The following PDS5B variants were observed in gnomAD, a reference collection of about 807,000 sequenced individuals.
The protein encoded by PDS5B is PDS5 cohesin associated factor B.
Under a neutral mutation model 184.1 loss-of-function variants are expected in PDS5B, and 51 were observed. The observed-to-expected ratio is 0.28, with a 90% CI of 0.22 to 0.35. The LOEUF (loss-of-function observed/expected upper bound fraction) is 0.35, where lower values mean the gene tolerates loss of function less well. Among genes scored for constraint, PDS5B ranks in the 10% least tolerant of loss-of-function variants. PDS5B has a pLI of 1.00. For missense variants in PDS5B, 1,180 were observed against 1,723.3 expected (o/e 0.68, Z 5.58); for synonymous variants, 566 against 569.2 (o/e 0.99, Z 0.08).
At chr13:32,704,485 T>C (rs1951950301) in intron 17 of PDS5B, among the ~76,000 whole-genome samples, 1 of 152,212 alleles carries the variant, frequency 6.6e-6, no homozygotes, top group Admixed American at 6.5e-5. Context: ...CCAGTCCTTT[T>C]TACACTTGAT....
intron 1 of PDS5B, among the ~76,000 whole-genome samples, chr13:32,632,293 A>G (rs1308785645): frequency 6.6e-6 from 1 of 152,232 alleles, no homozygotes; most frequent in Non-Finnish European, 1.5e-5. Context: ...TTTAATGTCC[A>G]GAATATATAA....
At chr13:32,687,422 T>C (rs1593428939) in intron 12 of PDS5B, 137 bp downstream of exon 12, 3 of 604,052 alleles carry the variant, frequency 5.0e-6, no homozygotes, top group East Asian at 3.2e-5. Flanking sequence ...AGTGAGTGAC[T>C]GGGCTCATTC....
At chr13:32,679,525 A>G (rs1179314769) in intron 10 of PDS5B, among the ~76,000 whole-genome samples, 1 of 152,104 alleles carries the variant, frequency 6.6e-6, no homozygotes, top group Non-Finnish European at 1.5e-5. Context: ...AATCCCAGCT[A>G]CTCAGGAGGC....
At chr13:32,629,352 G>GTA (rs1000931745) in intron 1 of PDS5B, among the ~76,000 whole-genome samples, 8 of 151,424 alleles carry the variant, frequency 5.3e-5, no homozygotes, top group Non-Finnish European at 1.2e-4. Flanking sequence ...TGCATTTCTT[G>GTA]TATATTTGGA....
chr13:32,698,640 C>T (rs545699471), intron 15 of PDS5B, among the ~76,000 whole-genome samples: 1 of 152,160 alleles, frequency 6.6e-6, no homozygotes, highest in East Asian at 1.9e-4. Flanking sequence ...AAATATCTCA[C>T]CAAGACATAA....
chr13:32,749,128 A>G (rs1762645292), intron 24 of PDS5B, among the ~76,000 whole-genome samples: 1 of 152,188 alleles, frequency 6.6e-6, no homozygotes, highest in Non-Finnish European at 1.5e-5. Flanking sequence ...TGTACGCTTA[A>G]AAATCTTGTT....
chr13:32,615,548 C>A (rs1950308216), intron 1 of PDS5B, among the ~76,000 whole-genome samples: 1 of 152,068 alleles, frequency 6.6e-6, no homozygotes, highest in Non-Finnish European at 1.5e-5. Context: ...TTTGCCTTTT[C>A]TATAATTTTT....
intron 1 of PDS5B, among the ~76,000 whole-genome samples, chr13:32,593,331 T>C: frequency 6.6e-6 from 1 of 152,204 alleles, no homozygotes; most frequent in Non-Finnish European, 1.5e-5. Flanking sequence ...ACTTTGGTAG[T>C]AATAGCCTAC....
intron 1 of PDS5B, among the ~76,000 whole-genome samples, chr13:32,596,589 T>C (rs1393399364): frequency 6.6e-6 from 1 of 152,212 alleles, no homozygotes; most frequent in African/African-American, 2.4e-5. Flanking sequence ...TCAAAGTGGT[T>C]TTCCTTTTTA....
Position 32,741,061 on chromosome 13 carries a change from T to TG in PDS5B, c.2407-19_2407-18insG. On this transcript the variant is annotated intron_variant, in intron 21 of 34. Transcript: ENST00000315596. ...ATTTTAAAGTCCCTGGTTTTTTTTT[T>TG]TTTCTCGTTTATTTTTAGCTTCCAG... 7.3e-7 allele frequency: 1 copy of TG among 1,365,560 alleles called. No homozygotes were observed. Among genetic ancestry groups the TG allele is most frequent in the Non-Finnish European group, 1.0e-6 (1 of 974,384 alleles). 84.6% of individuals were successfully genotyped at this position (1,365,560 alleles called of 1,614,324 possible).
chr13:32,676,373 C>T (rs2140774906), intron 9 of PDS5B, among the ~76,000 whole-genome samples: 1 of 152,156 alleles, frequency 6.6e-6, no homozygotes, highest in East Asian at 1.9e-4. Flanking sequence ...ATTTCTCTTC[C>T]TAACTTCCTT....
chr13:32,769,305 GT>G (rs1197969194), intron 31 of PDS5B, among the ~76,000 whole-genome samples: 1 of 152,150 alleles, frequency 6.6e-6, no homozygotes, highest in South Asian at 2.1e-4. Context: ...TCAATTTAAA[GT>G]TAGAAAAAGT....
rs569625758 is a variant in PDS5B, at chr13:32,660,987, T to A, written c.624+1707T>A. On this transcript the variant is annotated intron_variant, in intron 6 of 34. Transcript: ENST00000315596. ...ACTGAATAAAACATTCTGACAAAAT[T>A]TTTAAAAAAAATTATAAATACTCTT... 4.6e-5 allele frequency among the ~76,000 whole-genome samples: 7 copies of A among 152,124 alleles called. No individual in the cohort carries two copies. The East Asian group carries it at 1.4e-3, about 29-fold the overall frequency.
At chr13:32,693,904 CTTT>C (rs1231898200) in intron 13 of PDS5B, among the ~76,000 whole-genome samples, 1 of 151,636 alleles carries the variant, frequency 6.6e-6, no homozygotes, top group African/African-American at 2.4e-5. Context: ...ACTAATTCTT[CTTT>C]TTATGTTTTT....
intron 6 of PDS5B, among the ~76,000 whole-genome samples, chr13:32,663,627 A>G (rs1310542569): frequency 6.6e-6 from 1 of 152,218 alleles, no homozygotes; most frequent in Non-Finnish European, 1.5e-5. Context: ...ATGTTGAAGC[A>G]TTCTCTTTGA....
chr13:32,659,372 T>G (rs900924920), intron 6 of PDS5B, 92 bp downstream of exon 6: 10 of 884,062 alleles, frequency 1.1e-5, no homozygotes, highest in African/African-American at 1.7e-5. Flanking sequence ...TTTATCCTGC[T>G]TTAATCTTTT....
rs547407264 is a variant in PDS5B at position 32,611,818 on chromosome 13, C to T, written c.-20+25225C>T. Among the ~76,000 whole-genome samples, 9 of 151,496 alleles carry T rather than the reference C, an allele frequency of 5.9e-5. No homozygotes were observed. In the South Asian group the frequency reaches 1.5e-3, roughly 25 times the overall value. Reference sequence around the variant, plus strand: ...GCCACGGTGCCTGGTTCTCACTGCCCCCGCCCCCCTTTTTGTTAACTTCCC... The same window carrying T: ...GCCACGGTGCCTGGTTCTCACTGCCTCCGCCCCCCTTTTTGTTAACTTCCC... On this transcript the variant is annotated intron_variant, in intron 1 of 34. Coordinates refer to ENST00000315596, the MANE Select transcript of PDS5B (RefSeq NM_015032.4).
At chr13:32,632,310 A>G (rs2058469880) in intron 1 of PDS5B, among the ~76,000 whole-genome samples, 2 of 152,234 alleles carry the variant, frequency 1.3e-5, no homozygotes, top group African/African-American at 2.4e-5. Context: ...ATAAAGAACT[A>G]CAGGTCAATG....
At chr13:32,641,853 G>C (rs1235137929) in intron 1 of PDS5B, among the ~76,000 whole-genome samples, 1 of 152,040 alleles carries the variant, frequency 6.6e-6, no homozygotes, top group African/African-American at 2.4e-5. Flanking sequence ...TTGCCTTCTA[G>C]AGCAAACTTT....
Sources: gnomAD v4.1 joint callset for allele counts (sites outside exome capture counted in the v4.1 genomes callset) on GRCh38, gnomAD v4.1.1 for gene constraint, MANE v1.5 for transcripts, NCBI Gene and HGNC (gene_info 2026-07-23, HGNC 2026-07-21) for gene names.